The following MYOM1 variants were observed in gnomAD, a reference collection of about 807,000 sequenced individuals.
The protein encoded by MYOM1 is myomesin-1.
A neutral mutation model predicts 205.3 loss-of-function variants in MYOM1; 164 were observed. That is an observed-to-expected ratio of 0.80 (90% confidence interval 0.70 to 0.91). The LOEUF is 0.91. Ranked by LOEUF, MYOM1 falls within the 40% of genes least tolerant of loss-of-function variation. The probability of loss-of-function intolerance (pLI) is 0.00; values close to 1 mark genes in which losing one functional copy is unlikely to be tolerated. For missense variants in MYOM1, 2,011 were observed against 2,127.3 expected, an observed-to-expected ratio of 0.95 and a Z score of 1.08; for synonymous variants, 772 against 789.4, an observed-to-expected ratio of 0.98 and a Z score of 0.37.
chr18:3,079,028 G>A (rs996648645), intron 34 of MYOM1, 151 bp downstream of exon 34: 4 of 565,556 alleles, frequency 7.1e-6, no homozygotes, highest in Non-Finnish European at 6.0e-6. Context: ...GCCCAGGCTG[G>A]TCTTGAACTC....
In MYOM1 at chr18:3,189,112, T is replaced by C. The variant is rs752787616; in HGVS notation, c.432-25A>G. 3 of 1,594,154 alleles carry C rather than the reference T, an allele frequency of 1.9e-6. No individual in the cohort carries two copies. Among genetic ancestry groups the C allele is most frequent in the East Asian group, 4.5e-5 (2 of 44,606 alleles). ...ACTAAAACACAACAATGGCAAAATG[T>C]AGATGTTGTGGATGGCAGTGATAAG... On this transcript the variant is annotated intron_variant, in intron 3 of 37. Coordinates refer to ENST00000356443, the MANE Select transcript of MYOM1 (RefSeq NM_003803.4). This position sits in a 1 kb window ranked among gnomAD's most constrained non-coding sequence, Gnocchi z 4.8.
intron 5 of MYOM1, among the ~76,000 whole-genome samples, chr18:3,176,697 G>A (rs1231037473): frequency 6.6e-6 from 1 of 151,052 alleles, no homozygotes; most frequent in Middle Eastern, 3.3e-3. Context: ...CCTGGCCAAC[G>A]TGGTGAAATA....
the MYOM1 span, among the ~76,000 whole-genome samples, chr18:3,240,424 C>A: frequency 5.3e-5 from 8 of 152,290 alleles, 1 homozygote; most frequent in African/African-American, 1.9e-4. Context: ...GTGAATAACT[C>A]TGACGAGATC....
At chr18:3,138,407 G>C (rs1210692462) in intron 14 of MYOM1, among the ~76,000 whole-genome samples, 3 of 152,172 alleles carry the variant, frequency 2.0e-5, no homozygotes. Context: ...GAGACAAAGG[G>C]ATGGGATCTG....
chr18:3,077,895 G>A (rs1449701406), intron 34 of MYOM1, among the ~76,000 whole-genome samples: 1 of 152,036 alleles, frequency 6.6e-6, no homozygotes, highest in African/African-American at 2.4e-5. Context: ...GTCCTGCAGC[G>A]AGTCTTTCTA....
intron 19 of MYOM1, among the ~76,000 whole-genome samples, chr18:3,125,374 A>G (rs1346219623): frequency 6.6e-6 from 1 of 152,222 alleles, no homozygotes; most frequent in African/African-American, 2.4e-5. Flanking sequence ...ATATATTGTG[A>G]TATGACCACA....
Position 3,128,363 on chromosome 18 carries a change from A to G in MYOM1, c.2794+869T>C, listed in dbSNP as rs1003963547. On this transcript the variant is annotated intron_variant, in intron 18 of 37. Coordinates refer to ENST00000356443, the MANE Select transcript of MYOM1 (RefSeq NM_003803.4). ...AAAAAGAACTGGATGAGAGGCATTT[A>G]AAAATTTATCAGCACATGTGCTTCA... is the stretch of plus-strand genomic sequence containing the variant. Among the ~76,000 whole-genome samples the G allele has an allele frequency of 9.2e-5, 14 of 152,326 alleles. No homozygotes were observed. In the East Asian group the frequency reaches 2.7e-3, roughly 29 times the overall value.
At chr18:3,247,189 GA>G in the MYOM1 span, 2 of 152,374 alleles carry the variant, frequency 1.3e-5, no homozygotes, top group Non-Finnish European at 2.9e-5. Context: ...GGGCCAAAAA[GA>G]TAGTGGAGGC....
In MYOM1 at chr18:3,067,181, A is replaced by G. The variant is rs2078904431; in HGVS notation, c.*81T>C. The G allele has an allele frequency of 2.8e-6, 4 of 1,407,918 alleles. No homozygotes were observed. The highest frequency in any genetic ancestry group is 9.5e-7 in the Non-Finnish European group (1 of 1,047,936). 87.2% of individuals were successfully genotyped at this position (1,407,918 alleles called of 1,614,324 possible). A position where few individuals can be genotyped will look rare whatever the true frequency, so the allele number is the denominator to read the frequency against. ...AAGCCAGAAAATAATAGGGAGGAGAAAGCATGAAGACGTCTCATCCTTAAC... is the reference window on the plus strand; with the variant it reads ...AAGCCAGAAAATAATAGGGAGGAGAGAGCATGAAGACGTCTCATCCTTAAC... On this transcript the variant is annotated 3_prime_UTR_variant, in exon 38 of 38. Transcript: ENST00000356443.
chr18:3,181,129 G>T (rs1012450101), intron 5 of MYOM1, among the ~76,000 whole-genome samples: 2 of 152,160 alleles, frequency 1.3e-5, no homozygotes, highest in Non-Finnish European at 2.9e-5. Context: ...CTTTCACCAT[G>T]TTGGCCAGGC....
intron 2 of MYOM1, among the ~76,000 whole-genome samples, chr18:3,203,372 T>C (rs902304115): frequency 2.6e-5 from 4 of 151,618 alleles, no homozygotes; most frequent in African/African-American, 9.7e-5. Context: ...ATCATGACAA[T>C]TAGTAAGGCT....
intron 11 of MYOM1, among the ~76,000 whole-genome samples, chr18:3,154,650 C>CAT (rs1555624103): frequency 4.8e-4 from 71 of 148,946 alleles, no homozygotes; most frequent in African/African-American, 1.5e-3. Flanking sequence ...CACACACACA[C>CAT]ATTTATAATG....
At chr18:3,234,855 A>T in the MYOM1 span, among the ~76,000 whole-genome samples, 1 of 151,254 alleles carries the variant, frequency 6.6e-6, no homozygotes. Flanking sequence ...GTCAGAGTAC[A>T]CTCTCCATTT....
chr18:3,142,791 T>A (rs2080069912), intron 13 of MYOM1, among the ~76,000 whole-genome samples: 1 of 152,102 alleles, frequency 6.6e-6, no homozygotes, highest in South Asian at 2.1e-4. Flanking sequence ...GGGCACAGAA[T>A]CCTATAAGCA....
At chr18:3,116,234 A>T in intron 21 of MYOM1, 97 bp downstream of exon 21, 1 of 1,327,456 alleles carries the variant, frequency 7.5e-7, no homozygotes, top group Non-Finnish European at 1.0e-6. Context: ...TATGAAACAG[A>T]TCAAAGCGGA....
At chr18:3,177,972 G>A (rs1466025536) in intron 5 of MYOM1, among the ~76,000 whole-genome samples, 1 of 152,164 alleles carries the variant, frequency 6.6e-6, no homozygotes, top group Non-Finnish European at 1.5e-5. Flanking sequence ...GGACTACGCA[G>A]GCGGGCCTCT....
rs2079916640 is a variant in MYOM1, at chr18:3,134,110, C to G, written c.2384+540G>C. On this transcript the variant is annotated intron_variant, in intron 16 of 37. Transcript: ENST00000356443. ...CCTGGGCTCAAGCAGGTCTCAAACT[C>G]CTGGGCTCAAGCAATCCGCCCACCT... 2.8e-5 allele frequency among the ~76,000 whole-genome samples: 3 copies of G among 106,168 alleles called. No homozygotes were observed. The South Asian group carries it at 1.1e-3, about 38-fold the overall frequency. 69.7% of individuals were successfully genotyped at this position (106,168 alleles called of 152,430 possible).
At chr18:3,236,271 G>C in the MYOM1 span, among the ~76,000 whole-genome samples, 1 of 152,196 alleles carries the variant, frequency 6.6e-6, no homozygotes, top group African/African-American at 2.4e-5. Flanking sequence ...AGGAAGAAAA[G>C]GAAGTAAGAA....
intron 2 of MYOM1, among the ~76,000 whole-genome samples, chr18:3,195,263 T>G (rs1001373629): frequency 9.2e-5 from 14 of 152,220 alleles, no homozygotes; most frequent in South Asian, 6.2e-4. Flanking sequence ...CCTTCCCCAC[T>G]ATCTACCACC....
Sources: gnomAD v4.1 joint callset for allele counts (sites outside exome capture counted in the v4.1 genomes callset) on GRCh38, gnomAD v4.1.1 for gene constraint, Gnocchi (gnomAD v3.1) non-coding constraint, MANE v1.5 for transcripts, NCBI Gene and HGNC (gene_info 2026-07-23, HGNC 2026-07-21) for gene names.